CMAS: variants seen among roughly 807,000 people sequenced by gnomAD.
The protein encoded by CMAS is N-acylneuraminate cytidylyltransferase.
A neutral mutation model predicts 53.4 loss-of-function variants in CMAS; 21 were observed. The ratio of observed to expected loss-of-function variants is 0.39; its 90% CI spans 0.28 to 0.57. CMAS has a LOEUF of 0.57. Ranked by LOEUF, CMAS falls within the 20% of genes least tolerant of loss-of-function variation. CMAS has a pLI of 0.56. For synonymous variants in CMAS, 189 were observed against 195.2 expected, an observed-to-expected ratio of 0.97 and a Z score of 0.27; for missense variants, 384 against 534.9, an observed-to-expected ratio of 0.72 and a Z score of 2.78.
chr12:22,052,096 A>G (rs1005505120), intron 1 of CMAS, among the ~76,000 whole-genome samples: 2 of 152,158 alleles, frequency 1.3e-5, no homozygotes, highest in African/African-American at 4.8e-5. Context: ...CAACAGATCT[A>G]TATTGAGCAC....
At position 22,046,357 on chromosome 12, in the gene CMAS, A is replaced by C. The variant is rs1298448508; in HGVS notation, c.54A>C (p.Arg18=). 2.0e-6 allele frequency: 3 copies of C among 1,530,852 alleles called. No individual in the cohort carries two copies. The South Asian group carries it at 3.7e-5, about 19-fold the overall frequency. The allele number at this position is 1,530,852 out of a possible 1,614,324, so 94.8% of individuals were successfully genotyped here. Residue 18 remains arginine (R), a synonymous_variant, in exon 1 of 8, where the codon CGA becomes CGC. Transcript: ENST00000229329. ...AATSVSNPRG[R]PSRGRPPKLQ... is the part of the protein sequence containing the mutation. ...CCTCCGTCTCCAACCCGCGGGGGCG[A>C]CCGTCCCGGGGCCGGCCGCCGAAGC...
At chr12:22,053,005 G>A (rs1414841911) in intron 1 of CMAS, among the ~76,000 whole-genome samples, 3 of 152,146 alleles carry the variant, frequency 2.0e-5, no homozygotes, top group Non-Finnish European at 4.4e-5. Context: ...AGACAAACAT[G>A]CAGTTCAGCC....
At chr12:22,064,692 C>G (rs1214353502) in intron 7 of CMAS, among the ~76,000 whole-genome samples, 1 of 151,930 alleles carries the variant, frequency 6.6e-6, no homozygotes, top group Non-Finnish European at 1.5e-5. Context: ...CTCCCTTTCC[C>G]CAAATAAACT....
In CMAS at chr12:22,065,203, G is replaced by A. The variant is rs1489023225; in HGVS notation, c.1197G>A (p.Lys399=). The A allele has an allele frequency of 6.2e-7, 1 of 1,614,022 alleles. No homozygotes were observed. The highest frequency in any genetic ancestry group is 1.3e-5 in the African/African-American group (1 of 74,930). Residue 399 remains lysine (K), a synonymous_variant, in exon 8 of 8, where the codon AAG becomes AAA. Transcript: ENST00000229329. ...APADACSTAQ[K]AVGYICKCNG... is the part of the protein sequence containing the mutation. ...CTGATGCCTGTTCTACTGCCCAGAA[G>A]GCTGTTGGATACATTTGCAAATGTA... is the stretch of plus-strand genomic sequence containing the variant.
At chr12:22,062,674 C>CTGAT (rs1010520931) in intron 7 of CMAS, among the ~76,000 whole-genome samples, 1 of 152,136 alleles carries the variant, frequency 6.6e-6, no homozygotes, top group African/African-American at 2.4e-5. Context: ...GACTGTACCA[C>CTGAT]TGATTAGCCA....
At position 22,065,113 on chromosome 12, in the gene CMAS, C is replaced by CTTGA; in HGVS notation, c.1115-6_1115-3dup. The CTTGA allele has an allele frequency of 6.3e-7, 1 of 1,583,428 alleles. No individual in the cohort carries two copies. Among genetic ancestry groups the CTTGA allele is most frequent in the East Asian group, 2.3e-5 (1 of 44,292 alleles). On this transcript the variant is annotated splice_polypyrimidine_tract_variant and splice_region_variant and intron_variant, in intron 7 of 7. Transcript: ENST00000229329. ...AAATGTTTGCTCAGTATTTATTTTA[C>CTTGA]TTGATAGGAAATGAAGTGTCTGATG...
rs1369935355 is a variant in CMAS, at chr12:22,046,326, C to T, written c.23C>T (p.Ala8Val). The T allele has an allele frequency of 4.0e-6, 6 of 1,489,622 alleles. No individual in the cohort carries two copies. Among genetic ancestry groups the T allele is most frequent in the Non-Finnish European group, 5.4e-6 (6 of 1,119,140 alleles). 92.3% of individuals were successfully genotyped at this position (1,489,622 alleles called of 1,614,324 possible). MDSVEKGAATSVSNPRGR... is the reference protein window; with the variant it reads MDSVEKGVATSVSNPRGR... The stretch of plus-strand genomic sequence containing the variant: ...AAGATGGACTCGGTGGAGAAGGGGG[C>T]CGCCACCTCCGTCTCCAACCCGCGG... Residue 8 changes from alanine to valine, a missense_variant, in exon 1 of 8, where the codon GCC becomes GTC. Physicochemically the swap from Ala to Val is moderately conservative, Grantham distance 64 (BLOSUM62 0). Coordinates refer to ENST00000229329, the MANE Select transcript of CMAS (RefSeq NM_018686.6).
At position 22,058,517 on chromosome 12, in the gene CMAS, A is replaced by G. The variant is rs765047937; in HGVS notation, c.560-50A>G. 3 of 1,532,870 alleles carry G rather than the reference A, an allele frequency of 2.0e-6. No homozygotes were observed. The Admixed American group carries it at 6.2e-5, about 32-fold the overall frequency. 95.0% of individuals were successfully genotyped at this position (1,532,870 alleles called of 1,614,324 possible). A position where few individuals can be genotyped will look rare whatever the true frequency, so the allele number is the denominator to read the frequency against. ...TAACTTTTTTAGTTACTAAATTAAC[A>G]CTTTCTATATTCAGGGCAACGTGGA... On this transcript the variant is annotated intron_variant, in intron 3 of 7. Coordinates refer to ENST00000229329, the MANE Select transcript of CMAS (RefSeq NM_018686.6).
intron 3 of CMAS, among the ~76,000 whole-genome samples, chr12:22,058,106 G>A (rs1362040114): frequency 2.0e-5 from 3 of 151,374 alleles, no homozygotes; most frequent in Admixed American, 6.6e-5. Flanking sequence ...GATTACAGGC[G>A]TGAATCACCA....
In CMAS at chr12:22,046,498, C is replaced by G. The variant is rs745589927; in HGVS notation, c.195C>G (p.His65Gln). The part of the protein sequence containing the change: ...SKGIPLKNIK[H>Q]LAGVPLIGWV... ...GCATCCCCCTGAAGAACATTAAGCA[C>G]CTGGCGGGGGTCCCGCTCATTGGCT... Residue 65 changes from histidine to glutamine, a missense_variant, in exon 1 of 8, where the codon CAC becomes CAG. His to Gln is a conservative substitution (Grantham distance 24). Transcript: ENST00000229329. 6.2e-7 allele frequency: 1 copy of G among 1,608,448 alleles called. No homozygotes were observed. The highest frequency in any genetic ancestry group is 1.7e-5 in the Admixed American group (1 of 59,400).
intron 1 of CMAS, among the ~76,000 whole-genome samples, chr12:22,049,186 T>C (rs561716746): frequency 1.3e-4 from 20 of 152,326 alleles, no homozygotes; most frequent in South Asian, 8.3e-4. Context: ...AACCAGTCAC[T>C]ATGGCAAGAG....
intron 3 of CMAS, 76 bp downstream of exon 3, chr12:22,055,686 A>T: frequency 7.9e-7 from 1 of 1,266,712 alleles, no homozygotes; most frequent in Non-Finnish European, 1.1e-6. Flanking sequence ...TCCTTTAGGC[A>T]TGAGGAGAGT....
At chr12:22,060,744 T>C in intron 4 of CMAS, 88 bp from the exon 5 acceptor site, 1 of 757,450 alleles carries the variant, frequency 1.3e-6, no homozygotes, top group Non-Finnish European at 2.3e-6. Context: ...ACTGTAGAAA[T>C]GAATTCATTG....
intron 7 of CMAS, chr12:22,063,941 AAAT>A (rs1950326441): frequency 6.6e-6 from 1 of 152,106 alleles, no homozygotes; most frequent in Non-Finnish European, 1.5e-5. Context: ...CAAAAAAAAA[AAAT>A]AATAACTCAC....
At position 22,061,341 on chromosome 12, in the gene CMAS, T is replaced by A. The variant is rs1950307444; in HGVS notation, c.849T>A (p.Asp283Glu). 3 of 1,612,126 alleles carry A rather than the reference T, an allele frequency of 1.9e-6. No individual in the cohort carries two copies. In the East Asian group the frequency reaches 6.7e-5, roughly 36 times the overall value. The part of the protein sequence containing the change: ...KEIKLLVCNI[D>E]GCLTNGHIYV... ...TAAAACTTTTGGTTTGCAATATTGATGGATGTCTCACCAATGGCCACATTT... is the reference window on the plus strand; with the variant it reads ...TAAAACTTTTGGTTTGCAATATTGAAGGATGTCTCACCAATGGCCACATTT... The change falls in exon 6 of 8, where the codon GAT (aspartate) becomes GAA (glutamate). Residue 283 changes from aspartate to glutamate, a missense_variant. Asp to Glu is a conservative substitution (Grantham distance 45). Coordinates refer to ENST00000229329, the MANE Select transcript of CMAS (RefSeq NM_018686.6).
Position 22,063,351 on chromosome 12 carries a change from G to A in CMAS, c.1114+917G>A, listed in dbSNP as rs143688770. Among the ~76,000 whole-genome samples, 459 of 152,224 alleles carry A rather than the reference G, an allele frequency of 3.0e-3. 7 individuals are homozygous for A. The highest frequency in any genetic ancestry group is 0.01 in the African/African-American group (422 of 41,534). On this transcript the variant is annotated intron_variant, in intron 7 of 7. Coordinates refer to ENST00000229329, the MANE Select transcript of CMAS (RefSeq NM_018686.6). ...TTAATGGACATAAATGCTGCAGAAT[G>A]TTTGTTAAAGACAGATCCAATTTTT...
chr12:22,058,047 G>A (rs541449937), intron 3 of CMAS, among the ~76,000 whole-genome samples: 202 of 151,510 alleles, frequency 1.3e-3, no homozygotes, highest in African/African-American at 4.6e-3. Flanking sequence ...GGCTGCTCTC[G>A]AACTCCTGAC....
chr12:22,058,431 A>T (rs1950283630), intron 3 of CMAS, 136 bp from the exon 4 acceptor site: 1 of 780,574 alleles, frequency 1.3e-6, no homozygotes, highest in Admixed American at 2.7e-5. Context: ...TCTCAAAAAA[A>T]AAAAAAGAAA....
intron 3 of CMAS, among the ~76,000 whole-genome samples, chr12:22,058,226 A>G (rs1950281821): frequency 6.6e-6 from 1 of 151,258 alleles, no homozygotes; most frequent in East Asian, 2.0e-4. Flanking sequence ...GGAGTTCGAG[A>G]CCAGCCCGGA....
Sources: gnomAD v4.1 joint callset for allele counts (sites outside exome capture counted in the v4.1 genomes callset) on GRCh38, gnomAD v4.1.1 for gene constraint, MANE v1.5 for transcripts, NCBI Gene and HGNC (gene_info 2026-07-23, HGNC 2026-07-21) for gene names.